The following RAPGEF1 variants were observed in gnomAD, a reference collection of about 807,000 sequenced individuals.
RAPGEF1 encodes Rap guanine nucleotide exchange factor 1.
RAPGEF1 carries 33 observed loss-of-function variants against 143.3 expected under a neutral mutation model. The observed-to-expected ratio is 0.23, with a 90% CI of 0.17 to 0.31. The LOEUF (loss-of-function observed/expected upper bound fraction) is 0.31, where lower values mean the gene tolerates loss of function less well. RAPGEF1 is among the 10% of genes least tolerant of loss of function. The pLI, the probability that RAPGEF1 is intolerant of heterozygous loss-of-function variation, is 1.00. For missense variants in RAPGEF1, 1,199 were observed against 1,645.4 expected (o/e 0.73, Z 4.69); for synonymous variants, 629 against 676.5 (o/e 0.93, Z 1.09).
intron 1 of RAPGEF1, among the ~76,000 whole-genome samples, chr9:131,689,928 A>C (rs893435091): frequency 1.2e-4 from 19 of 152,268 alleles, no homozygotes; most frequent in African/African-American, 4.6e-4. Flanking sequence ...CTGAAACATT[A>C]ATATCTGAAT....
At chr9:131,596,242 C>T (rs1588289083) in intron 17 of RAPGEF1, 56 bp downstream of exon 17, 4 of 1,553,720 alleles carry the variant, frequency 2.6e-6, no homozygotes, top group South Asian at 1.1e-5. Flanking sequence ...GGTGGGAGGC[C>T]GAGTGGCACC....
At chr9:131,639,193 T>A (rs1056818979) in intron 4 of RAPGEF1, among the ~76,000 whole-genome samples, 1 of 152,124 alleles carries the variant, frequency 6.6e-6, no homozygotes, top group Non-Finnish European at 1.5e-5. Context: ...GCAATTAGAA[T>A]CAAATCTATT....
At position 131,641,630 on chromosome 9, in the gene RAPGEF1, C is replaced by T. The variant is rs1968005357; in HGVS notation, c.494+1609G>A. ...CCAAGGCAGAGACTACCACATGAGA[C>T]TAGGTCCACAAAAACATGTTCTAAG... On this transcript the variant is annotated intron_variant, in intron 4 of 26. Transcript: ENST00000683357. The surrounding 1 kb of genome is among the most constrained non-coding windows in gnomAD (Gnocchi z 4.6). Among the ~76,000 whole-genome samples the T allele has an allele frequency of 6.6e-6, 1 of 152,240 alleles. No individual in the cohort carries two copies. Among genetic ancestry groups the T allele is most frequent in the African/African-American group, 2.4e-5 (1 of 41,458 alleles).
intron 13 of RAPGEF1, among the ~76,000 whole-genome samples, chr9:131,604,274 A>G (rs1297372493): frequency 6.6e-6 from 1 of 152,204 alleles, no homozygotes; most frequent in Admixed American, 6.5e-5. Flanking sequence ...AGATGGCCCC[A>G]CTGTAGTGGA....
At chr9:131,600,933 A>G (rs1443112407) in intron 15 of RAPGEF1, among the ~76,000 whole-genome samples, 2 of 152,198 alleles carry the variant, frequency 1.3e-5, no homozygotes, top group African/African-American at 4.8e-5. Flanking sequence ...GGGCAGGTGG[A>G]TCATGAGGTC....
rs1392024896 is a variant in RAPGEF1 at position 131,578,863 on chromosome 9, G to A, written c.*634C>T. Reference sequence around the variant, plus strand: ...GAGGCCCTGATGGCGCCAGTACCGCGGGGCAGAGCACCAGCTGCGGGGCTG... The same window carrying A: ...GAGGCCCTGATGGCGCCAGTACCGCAGGGCAGAGCACCAGCTGCGGGGCTG... On this transcript the variant is annotated 3_prime_UTR_variant, in exon 27 of 27. Coordinates refer to ENST00000683357, the MANE Select transcript of RAPGEF1 (RefSeq NM_001377935.1). 2.0e-5 allele frequency: 3 copies of A among 152,550 alleles called. No individual in the cohort carries two copies. The highest frequency in any genetic ancestry group is 1.9e-4 in the East Asian group (1 of 5,198). The allele number at this position is 152,550 out of a possible 1,614,324, so 9.4% of individuals were successfully genotyped here. A position where few individuals can be genotyped will look rare whatever the true frequency, so the allele number is the denominator to read the frequency against.
chr9:131,617,227 G>A (rs2132753934), intron 12 of RAPGEF1, among the ~76,000 whole-genome samples: 2 of 152,354 alleles, frequency 1.3e-5, no homozygotes, highest in South Asian at 4.1e-4. Flanking sequence ...TCAAGAGCTC[G>A]GATTGTCTAA....
rs1968595929 is a variant in RAPGEF1, at chr9:131,643,321, G to A, written c.412C>T (p.Leu138=). 6.2e-7 allele frequency: 1 copy of A among 1,613,698 alleles called. No homozygotes were observed. The highest frequency in any genetic ancestry group is 8.5e-7 in the Non-Finnish European group (1 of 1,179,810). ...CTGGCTGACCCTGGAAGCATCTCCA[G>A]TACCTTCTTATCAATTGCCATTTTG... ...VDKMAIDKKV[L]EMLPGSASKV... The change falls in exon 4 of 27, where the codon CTG becomes TTG. Residue 138 remains leucine (L), a synonymous_variant. Coordinates refer to ENST00000683357, the MANE Select transcript of RAPGEF1 (RefSeq NM_001377935.1).
At chr9:131,669,894 G>A (rs1831074696) in intron 1 of RAPGEF1, among the ~76,000 whole-genome samples, 1 of 152,188 alleles carries the variant, frequency 6.6e-6, no homozygotes, top group South Asian at 2.1e-4. Flanking sequence ...TGTACAGGGA[G>A]TTGTATCAGG....
chr9:131,734,349 T>C (rs1341134849), intron 1 of RAPGEF1, among the ~76,000 whole-genome samples: 1 of 152,150 alleles, frequency 6.6e-6, no homozygotes, highest in Non-Finnish European at 1.5e-5. Context: ...GTTGTGAGGA[T>C]GAAATGAAAT....
Position 131,650,740 on chromosome 9 carries a change from C to G in RAPGEF1, c.201+70G>C, listed in dbSNP as rs1378606627. ...GAAAGCTCAATCCCCAGGGAGGGAACATACAAATCGCACAAACTCATATTG... is the reference window on the plus strand; with the variant it reads ...GAAAGCTCAATCCCCAGGGAGGGAAGATACAAATCGCACAAACTCATATTG... On this transcript the variant is annotated intron_variant, in intron 2 of 26. Coordinates refer to ENST00000683357, the MANE Select transcript of RAPGEF1 (RefSeq NM_001377935.1). This position sits in a 1 kb window ranked among gnomAD's most constrained non-coding sequence, Gnocchi z 4.7. The G allele has an allele frequency of 1.9e-6, 3 of 1,571,160 alleles. No individual in the cohort carries two copies. The highest frequency in any genetic ancestry group is 2.6e-6 in the Non-Finnish European group (3 of 1,156,330).
At chr9:131,581,384 C>T (rs1180548660) in intron 25 of RAPGEF1, among the ~76,000 whole-genome samples, 4 of 150,010 alleles carry the variant, frequency 2.7e-5, no homozygotes, top group East Asian at 4.0e-4. Context: ...ACAGAGACTC[C>T]GTCTTTATTA....
At chr9:131,674,435 A>G (rs1831941777) in intron 1 of RAPGEF1, among the ~76,000 whole-genome samples, 1 of 152,182 alleles carries the variant, frequency 6.6e-6, no homozygotes, top group African/African-American at 2.4e-5. Flanking sequence ...CTGACTTGAG[A>G]AGGAGCTCAG....
intron 4 of RAPGEF1, among the ~76,000 whole-genome samples, chr9:131,639,295 C>T (rs993969022): frequency 5.3e-5 from 8 of 152,158 alleles, no homozygotes; most frequent in Non-Finnish European, 1.2e-4. Flanking sequence ...TCCTCCGTCA[C>T]GGGGCCAGCT....
In RAPGEF1 at chr9:131,621,191, G is replaced by A. The variant is rs1235507916; in HGVS notation, c.1905+605C>T. 6.6e-6 allele frequency among the ~76,000 whole-genome samples: 1 copy of A among 152,258 alleles called. No homozygotes were observed. Among genetic ancestry groups the A allele is most frequent in the Admixed American group, 6.5e-5 (1 of 15,290 alleles). Reference sequence around the variant, plus strand: ...CACGGTGGAACAGCTTGCCTTCTGTGCTGGCCCGTGCTTCCTTACATGCAC... The same window carrying A: ...CACGGTGGAACAGCTTGCCTTCTGTACTGGCCCGTGCTTCCTTACATGCAC... On this transcript the variant is annotated intron_variant, in intron 11 of 26. Coordinates refer to ENST00000683357, the MANE Select transcript of RAPGEF1 (RefSeq NM_001377935.1). The surrounding 1 kb of genome is among the most constrained non-coding windows in gnomAD (Gnocchi z 4.5).
At position 131,589,966 on chromosome 9, in the gene RAPGEF1, G is replaced by T; in HGVS notation, c.2787C>A (p.Phe929Leu). Residue 929 changes from phenylalanine (F) to leucine (L), a missense_variant, in exon 19 of 27, where the codon TTC becomes TTA. Transcript: ENST00000683357. The part of the protein sequence containing the change: ...IKKLQYRYEK[F>L]SPFADTFKKR... ...TCTTGAATGTGTCGGCAAAGGGAGA[G>T]AATTTCTCATATGTGGAGCACGGGT... 6.2e-7 allele frequency: 1 copy of T among 1,613,618 alleles called. No individual in the cohort carries two copies. Among genetic ancestry groups the T allele is most frequent in the Non-Finnish European group, 8.5e-7 (1 of 1,179,662 alleles).
intron 1 of RAPGEF1, among the ~76,000 whole-genome samples, chr9:131,691,396 T>A (rs1226276083): frequency 6.6e-6 from 1 of 152,218 alleles, no homozygotes; most frequent in Non-Finnish European, 1.5e-5. Context: ...TATCTGATCA[T>A]CTGATATGCT....
chr9:131,707,598 G>T (rs976303904), intron 1 of RAPGEF1, among the ~76,000 whole-genome samples: 3 of 152,062 alleles, frequency 2.0e-5, no homozygotes, highest in African/African-American at 7.2e-5. Flanking sequence ...GCACCAGCAC[G>T]CCTGGCTAAT....
intron 1 of RAPGEF1, among the ~76,000 whole-genome samples, chr9:131,689,651 G>A (rs1248069924): frequency 1.3e-5 from 2 of 151,768 alleles, no homozygotes; most frequent in African/African-American, 4.8e-5. Context: ...CGCTTCTCTT[G>A]CCTCAGCCTC....
Sources: gnomAD v4.1 joint callset for allele counts (sites outside exome capture counted in the v4.1 genomes callset) on GRCh38, gnomAD v4.1.1 for gene constraint, Gnocchi (gnomAD v3.1) non-coding constraint, MANE v1.5 for transcripts, NCBI Gene and HGNC (gene_info 2026-07-23, HGNC 2026-07-21) for gene names.